NEO1: variants seen among roughly 807,000 people sequenced by gnomAD.
NEO1 encodes the protein neogenin 1.
Under a neutral mutation model 159.7 loss-of-function variants are expected in NEO1, and 63 were observed. That is an observed-to-expected ratio of 0.39 (90% CI 0.32 to 0.49). The LOEUF is 0.49. Ranked by LOEUF, NEO1 falls within the 20% of genes least tolerant of loss-of-function variation. The pLI is 0.85. For synonymous variants in NEO1, 633 were observed against 662.0 expected (o/e 0.96, Z 0.67); for missense variants, 1,615 against 1,831.0 (o/e 0.88, Z 2.15).
intron 2 of NEO1, among the ~76,000 whole-genome samples, chr15:73,118,799 C>G (rs2071464604): frequency 6.6e-6 from 1 of 152,146 alleles, no homozygotes; most frequent in South Asian, 2.1e-4. Flanking sequence ...AATAAAAGTT[C>G]TTTTAAATAG....
At chr15:73,101,724 A>G (rs1489515452) in intron 1 of NEO1, among the ~76,000 whole-genome samples, 2 of 152,100 alleles carry the variant, frequency 1.3e-5, no homozygotes, top group Non-Finnish European at 2.9e-5. Flanking sequence ...TTAGTTGTCC[A>G]AGGCAAGGAG....
chr15:73,181,617 G>A (rs1045044009), intron 7 of NEO1, among the ~76,000 whole-genome samples: 1 of 152,052 alleles, frequency 6.6e-6, no homozygotes, highest in Admixed American at 6.6e-5. Context: ...CCAGGATCAG[G>A]AGAGTGAGGT....
chr15:73,244,977 A>AAAAAAAAAAAAAAAAAAC (rs1555458859), intron 9 of NEO1, among the ~76,000 whole-genome samples: 5 of 111,960 alleles, frequency 4.5e-5, no homozygotes, highest in Admixed American at 1.0e-4. Context: ...AAAAAAAAAA[A>AAAAAAAAAAAAAAAAAAC]AAAAAACAAC....
intron 7 of NEO1, among the ~76,000 whole-genome samples, chr15:73,199,451 T>C (rs1189023033): frequency 6.6e-6 from 1 of 152,168 alleles, no homozygotes; most frequent in South Asian, 2.1e-4. Flanking sequence ...AGAGTTATGC[T>C]CTACCTCCTT....
At chr15:73,081,959 C>T (rs1040695342) in intron 1 of NEO1, among the ~76,000 whole-genome samples, 1 of 151,626 alleles carries the variant, frequency 6.6e-6, no homozygotes, top group Non-Finnish European at 1.5e-5. Flanking sequence ...CTCCGCACTC[C>T]CTGCTCCGGG....
At chr15:73,091,205 C>G (rs2069670614) in intron 1 of NEO1, among the ~76,000 whole-genome samples, 1 of 152,166 alleles carries the variant, frequency 6.6e-6, no homozygotes, top group Admixed American at 6.5e-5. Context: ...GCTTTAAAAT[C>G]TGAACCTCAA....
At chr15:73,084,921 C>T (rs371984407) in intron 1 of NEO1, among the ~76,000 whole-genome samples, 10 of 151,972 alleles carry the variant, frequency 6.6e-5, no homozygotes, top group African/African-American at 1.9e-4. Flanking sequence ...CTGCCTTGTT[C>T]TAGGCATTGG....
At chr15:73,161,032 A>G (rs1018765003) in intron 5 of NEO1, among the ~76,000 whole-genome samples, 1 of 152,166 alleles carries the variant, frequency 6.6e-6, no homozygotes, top group African/African-American at 2.4e-5. Context: ...AGTTGCTCCT[A>G]TCACCCAGGA....
At chr15:73,085,465 A>G (rs1314846158) in intron 1 of NEO1, among the ~76,000 whole-genome samples, 2 of 152,116 alleles carry the variant, frequency 1.3e-5, no homozygotes, top group African/African-American at 2.4e-5. Flanking sequence ...TTGCGTCAAC[A>G]TGTTTTCATT....
chr15:73,291,223 A>G (rs889400907), intron 25 of NEO1, among the ~76,000 whole-genome samples: 38 of 152,274 alleles, frequency 2.5e-4, no homozygotes, highest in African/African-American at 8.9e-4. Flanking sequence ...CTATACTCTT[A>G]TTTGTTTGTT....
At chr15:73,284,183 G>A (rs971577301) in intron 23 of NEO1, among the ~76,000 whole-genome samples, 2 of 152,152 alleles carry the variant, frequency 1.3e-5, no homozygotes, top group Non-Finnish European at 2.9e-5. Flanking sequence ...GGAGATTCCT[G>A]AGTTATTCCT....
chr15:73,195,237 A>G (rs1172078866), intron 7 of NEO1, among the ~76,000 whole-genome samples: 2 of 152,230 alleles, frequency 1.3e-5, no homozygotes, highest in Non-Finnish European at 2.9e-5. Context: ...ATGCAGTGCT[A>G]AAACACCAGA....
chr15:73,172,863 A>G (rs966278754), intron 5 of NEO1, among the ~76,000 whole-genome samples: 1 of 152,172 alleles, frequency 6.6e-6, no homozygotes, highest in Admixed American at 6.5e-5. Context: ...GTCAAAGCAG[A>G]GGGGACTTTC....
chr15:73,286,410 T>C (rs1414000035), intron 23 of NEO1, among the ~76,000 whole-genome samples: 1 of 152,224 alleles, frequency 6.6e-6, no homozygotes, highest in Non-Finnish European at 1.5e-5. Flanking sequence ...TTGTTTTTTT[T>C]CATAGGTCCT....
intron 5 of NEO1, among the ~76,000 whole-genome samples, chr15:73,144,241 A>C (rs1340640464): frequency 6.6e-6 from 1 of 152,222 alleles, no homozygotes; most frequent in Non-Finnish European, 1.5e-5. Flanking sequence ...TCACATGCAT[A>C]CATGTTTACA....
chr15:73,229,326 T>C (rs766273005), intron 7 of NEO1, among the ~76,000 whole-genome samples: 2 of 152,112 alleles, frequency 1.3e-5, no homozygotes, highest in Non-Finnish European at 2.9e-5. Context: ...TTTGATGCTA[T>C]TGTGAGTGGA....
intron 18 of NEO1, among the ~76,000 whole-genome samples, chr15:73,271,704 C>T (rs912264015): frequency 2.6e-5 from 4 of 152,096 alleles, no homozygotes; most frequent in East Asian, 1.9e-4. Context: ...GCCAAGAGTT[C>T]GAGACCAGCC....
intron 21 of NEO1, among the ~76,000 whole-genome samples, chr15:73,276,274 A>G (rs1596560660): frequency 6.6e-6 from 1 of 152,360 alleles, no homozygotes; most frequent in East Asian, 1.9e-4. Context: ...GTTGGGAAAT[A>G]CAGGAATATA....
At chr15:73,056,770 C>T (rs1025600765) in intron 1 of NEO1, among the ~76,000 whole-genome samples, 1 of 152,136 alleles carries the variant, frequency 6.6e-6, no homozygotes, top group South Asian at 2.1e-4. Context: ...TGATCTTGGT[C>T]ATCCTCCTGG....
Sources: gnomAD v4.1 joint callset for allele counts (sites outside exome capture counted in the v4.1 genomes callset) on GRCh38, gnomAD v4.1.1 for gene constraint, MANE v1.5 for transcripts, NCBI Gene and HGNC (gene_info 2026-07-23, HGNC 2026-07-21) for gene names.